The following CDH12 variants were observed in gnomAD, a reference collection of about 807,000 sequenced individuals.
CDH12 encodes cadherin-12.
Under a neutral mutation model 74.1 loss-of-function variants are expected in CDH12, and 41 were observed. That is an observed-to-expected ratio of 0.55 (90% CI 0.43 to 0.72). The LOEUF is 0.72. CDH12 is among the 30% of genes least tolerant of loss of function. The probability of loss-of-function intolerance (pLI) is 0.00; values close to 1 mark genes in which losing one functional copy is unlikely to be tolerated. For missense variants in CDH12, 945 were observed against 977.2 expected (o/e 0.97, Z 0.44); for synonymous variants, 399 against 355.0 (o/e 1.12, Z -1.39).
intron 11 of CDH12, among the ~76,000 whole-genome samples, chr5:21,766,984 A>G (rs138020179): frequency 0.015 from 2,306 of 152,026 alleles, 64 homozygotes; most frequent in African/African-American, 0.05. Context: ...TCCACAGCTC[A>G]TGCTCTTAAA....
intron 3 of CDH12, among the ~76,000 whole-genome samples, chr5:22,247,016 T>C (rs761210116): frequency 3.9e-4 from 59 of 152,214 alleles, no homozygotes; most frequent in East Asian, 5.8e-4. Context: ...ACCTCACTTA[T>C]GTAAATACAA....
intron 6 of CDH12, among the ~76,000 whole-genome samples, chr5:21,864,994 T>G (rs926626046): frequency 2.0e-5 from 3 of 152,210 alleles, no homozygotes; most frequent in Non-Finnish European, 4.4e-5. Flanking sequence ...GGAGAGTTAA[T>G]GTAAATTTCT....
At chr5:22,393,587 G>C (rs148131498) in intron 3 of CDH12, among the ~76,000 whole-genome samples, 1 of 151,432 alleles carries the variant, frequency 6.6e-6, no homozygotes, top group East Asian at 2.0e-4. Flanking sequence ...ATTTGGTAAC[G>C]GTTAAAGACT....
At chr5:22,007,754 T>C (rs920559614) in intron 5 of CDH12, among the ~76,000 whole-genome samples, 7 of 152,220 alleles carry the variant, frequency 4.6e-5, no homozygotes, top group African/African-American at 1.4e-4. Flanking sequence ...TTAGAAATTC[T>C]TCCTAGTTTC....
At chr5:22,783,985 C>T (rs937049513) in intron 1 of CDH12, among the ~76,000 whole-genome samples, 2 of 151,948 alleles carry the variant, frequency 1.3e-5, no homozygotes, top group African/African-American at 2.4e-5. Flanking sequence ...TATATTTATG[C>T]CTCACTCACT....
At chr5:21,972,781 T>A (rs567986263) in intron 6 of CDH12, among the ~76,000 whole-genome samples, 1 of 152,230 alleles carries the variant, frequency 6.6e-6, no homozygotes, top group Non-Finnish European at 1.5e-5. Flanking sequence ...TCATAAGCAG[T>A]GTTTATACCT....
intron 1 of CDH12, among the ~76,000 whole-genome samples, chr5:22,748,485 G>T (rs1339398214): frequency 6.6e-6 from 1 of 152,120 alleles, no homozygotes; most frequent in African/African-American, 2.4e-5. Flanking sequence ...ACATTGACCT[G>T]CTCAGTATAG....
At chr5:22,540,773 T>C (rs1428671715) in intron 1 of CDH12, among the ~76,000 whole-genome samples, 1 of 152,176 alleles carries the variant, frequency 6.6e-6, no homozygotes, top group Non-Finnish European at 1.5e-5. Flanking sequence ...ATTCACTTAA[T>C]AGAAAGACCT....
intron 7 of CDH12, among the ~76,000 whole-genome samples, chr5:21,846,097 A>G (rs1241860629): frequency 1.3e-5 from 2 of 152,166 alleles, no homozygotes; most frequent in South Asian, 4.1e-4. Context: ...TAGAGAACCC[A>G]TCTGCATAAC....
At chr5:22,554,233 T>G (rs1015973116) in intron 1 of CDH12, among the ~76,000 whole-genome samples, 1 of 152,134 alleles carries the variant, frequency 6.6e-6, no homozygotes, top group Non-Finnish European at 1.5e-5. Context: ...TAATGGTGAA[T>G]ACATGTTATT....
At chr5:22,852,281 GATGT>G (rs939261297) in intron 1 of CDH12, among the ~76,000 whole-genome samples, 1 of 151,924 alleles carries the variant, frequency 6.6e-6, no homozygotes, top group Non-Finnish European at 1.5e-5. Context: ...CTGTGGTCCC[GATGT>G]AGCAAAAAAC....
intron 4 of CDH12, among the ~76,000 whole-genome samples, chr5:22,178,160 G>T (rs1322803109): frequency 1.3e-5 from 2 of 152,046 alleles, no homozygotes; most frequent in African/African-American, 4.8e-5. Flanking sequence ...ATGCCCCTCT[G>T]CCCAGCAGAA....
At chr5:22,664,956 AT>A (rs1422831186) in intron 1 of CDH12, among the ~76,000 whole-genome samples, 1 of 152,088 alleles carries the variant, frequency 6.6e-6, no homozygotes, top group East Asian at 1.9e-4. Context: ...TTGTTTGTTT[AT>A]TTGTTTTATG....
rs181858415 is a variant in CDH12 at position 22,269,040 on chromosome 5, C to T, written c.-332-56397G>A. On this transcript the variant is annotated intron_variant, in intron 3 of 14. Coordinates refer to ENST00000382254, the MANE Select transcript of CDH12 (RefSeq NM_004061.5). Reference sequence around the variant, plus strand: ...CTTTATGAACCTGGACAAATTTGCTCATCTCTCTTTGTACAAGCATCCTCA... The same window carrying T: ...CTTTATGAACCTGGACAAATTTGCTTATCTCTCTTTGTACAAGCATCCTCA... Among the ~76,000 whole-genome samples the T allele has an allele frequency of 2.4e-4, 37 of 152,176 alleles. No individual in the cohort carries two copies. The East Asian group carries it at 3.5e-3, about 14-fold the overall frequency.
chr5:22,138,875 T>TATAC (rs1256794399), intron 4 of CDH12, among the ~76,000 whole-genome samples: 16 of 137,682 alleles, frequency 1.2e-4, no homozygotes, highest in Non-Finnish European at 1.7e-4. Context: ...TATATATATA[T>TATAC]ACATGTTGGA....
At chr5:22,584,712 G>A (rs896725568) in intron 1 of CDH12, among the ~76,000 whole-genome samples, 9 of 151,798 alleles carry the variant, frequency 5.9e-5, no homozygotes, top group Non-Finnish European at 1.0e-4. Context: ...TTTATGTTCT[G>A]ATTACTTTTT....
In CDH12 at chr5:22,176,903, G is replaced by A. The variant is rs148249826; in HGVS notation, c.-187+35595C>T. On this transcript the variant is annotated intron_variant, in intron 4 of 14. Transcript: ENST00000382254. ...ATTTGCCTGCAATGCCCTTTCCCTC[G>A]ATATCTTCATGCTTTGCCTCTTTGC... is the stretch of plus-strand genomic sequence containing the variant. Among the ~76,000 whole-genome samples the A allele has an allele frequency of 4.1e-3, 618 of 151,974 alleles. 3 individuals are homozygous for A. Among genetic ancestry groups the A allele is most frequent in the African/African-American group, 0.014 (591 of 41,440 alleles).
At chr5:22,115,223 C>G (rs551907528) in intron 4 of CDH12, among the ~76,000 whole-genome samples, 14 of 152,260 alleles carry the variant, frequency 9.2e-5, no homozygotes, top group African/African-American at 3.1e-4. Context: ...GACTGTGGAG[C>G]GCTATGCATT....
At chr5:21,921,543 A>G (rs1445379928) in intron 6 of CDH12, among the ~76,000 whole-genome samples, 3 of 152,164 alleles carry the variant, frequency 2.0e-5, no homozygotes, top group Non-Finnish European at 2.9e-5. Flanking sequence ...GACCATTACC[A>G]TCCCATCTGT....
Sources: allele counts gnomAD v4.1 joint callset (sites outside exome capture counted in the v4.1 genomes callset), GRCh38; gene constraint gnomAD v4.1.1; transcripts MANE v1.5; gene names NCBI Gene and HGNC (gene_info 2026-07-23, HGNC 2026-07-21).